The following LIMS1 variants were observed in gnomAD, a reference collection of about 807,000 sequenced individuals.
The protein encoded by LIMS1 is LIM zinc finger domain containing 1.
In LIMS1, 18 loss-of-function variants were observed where a neutral mutation model predicts 44.1. The observed-to-expected ratio is 0.41, with a 90% CI of 0.28 to 0.61. The LOEUF (loss-of-function observed/expected upper bound fraction) is 0.61. LIMS1 is among the 20% of genes least tolerant of loss of function. LIMS1 has a pLI of 0.32. For missense variants in LIMS1, 201 were observed against 422.0 expected, an observed-to-expected ratio of 0.48 and a Z score of 4.59; for synonymous variants, 93 against 149.1, an observed-to-expected ratio of 0.62 and a Z score of 2.74.
intron 3 of LIMS1, among the ~76,000 whole-genome samples, chr2:108,672,102 G>C (rs917235283): frequency 2.0e-5 from 3 of 148,046 alleles, no homozygotes; most frequent in African/African-American, 7.5e-5. Flanking sequence ...GGGAGGCAGA[G>C]GTTGCAGTGA....
chr2:108,642,454 G>A (rs1254157304), intron 1 of LIMS1, among the ~76,000 whole-genome samples: 1 of 144,220 alleles, frequency 6.9e-6, no homozygotes, highest in Non-Finnish European at 1.5e-5. Context: ...CCGCCTCCCG[G>A]GTTCACGCCA....
At chr2:108,544,945 A>G (rs951449908) in intron 1 of LIMS1, among the ~76,000 whole-genome samples, 25 of 152,226 alleles carry the variant, frequency 1.6e-4, no homozygotes, top group Non-Finnish European at 4.4e-5. Flanking sequence ...TAACCTCAGC[A>G]TCACACCTGA....
chr2:108,533,765 G>A (rs1684003213), upstream of LIMS1: 1 of 152,490 alleles, frequency 6.6e-6, no homozygotes, highest in African/African-American at 2.4e-5. Context: ...AGCTAGCAAG[G>A]AAGAACAGGA....
intron 1 of LIMS1, among the ~76,000 whole-genome samples, chr2:108,614,667 TAATA>T (rs749600322): frequency 2.8e-4 from 43 of 152,260 alleles, no homozygotes; most frequent in South Asian, 8.3e-4. Flanking sequence ...TAGGAAAAAA[TAATA>T]AATAAAGGGA....
chr2:108,591,991 C>T (rs1008487099), intron 1 of LIMS1, among the ~76,000 whole-genome samples: 1 of 152,012 alleles, frequency 6.6e-6, no homozygotes, highest in Admixed American at 6.6e-5. Context: ...GACGAAGTTT[C>T]ACCATATTGG....
chr2:108,546,678 C>CT (rs377170614), intron 1 of LIMS1, among the ~76,000 whole-genome samples: 33,052 of 88,590 alleles, frequency 0.37, 4,403 homozygotes, highest in African/African-American at 0.45. Flanking sequence ...TTTGAGTGAT[C>CT]TTTTTTTTTT....
At chr2:108,608,920 A>G (rs549745967) in intron 1 of LIMS1, among the ~76,000 whole-genome samples, 9 of 152,326 alleles carry the variant, frequency 5.9e-5, no homozygotes, top group African/African-American at 2.2e-4. Flanking sequence ...CATTACTGCC[A>G]CTAGAACGAG....
intron 1 of LIMS1, among the ~76,000 whole-genome samples, chr2:108,646,507 A>G (rs940479277): frequency 6.6e-6 from 1 of 152,332 alleles, no homozygotes; most frequent in Non-Finnish European, 1.5e-5. Context: ...TTATAGCACT[A>G]AATGCCCACA....
intron 1 of LIMS1, among the ~76,000 whole-genome samples, chr2:108,560,764 G>A (rs1162627330): frequency 6.6e-6 from 1 of 152,040 alleles, no homozygotes; most frequent in Non-Finnish European, 1.5e-5. Flanking sequence ...CATGGCAAGA[G>A]TTTTTCTGTT....
chr2:108,562,966 A>G (rs1362664342), intron 1 of LIMS1, among the ~76,000 whole-genome samples: 2 of 152,238 alleles, frequency 1.3e-5, no homozygotes, highest in East Asian at 1.9e-4. Context: ...TACTATTCCA[A>G]AAAAGCCAGA....
chr2:108,656,606 A>C (rs557895152), intron 1 of LIMS1, among the ~76,000 whole-genome samples: 1 of 151,044 alleles, frequency 6.6e-6, no homozygotes, highest in Non-Finnish European at 1.5e-5. Context: ...CAGCAAGGTG[A>C]TTGTTCTGTT....
At chr2:108,534,803 G>A (rs1418487671) in intron 1 of LIMS1, among the ~76,000 whole-genome samples, 26 of 151,938 alleles carry the variant, frequency 1.7e-4, no homozygotes, top group African/African-American at 7.2e-5. Context: ...TCACTCCCGG[G>A]TGTCCGCGGT....
intron 1 of LIMS1, among the ~76,000 whole-genome samples, chr2:108,593,531 C>T (rs2104693345): frequency 6.6e-6 from 1 of 152,306 alleles, no homozygotes; most frequent in South Asian, 2.1e-4. Context: ...TATCCAGATG[C>T]TAGATTACGT....
chr2:108,635,267 A>C (rs1027680911), intron 1 of LIMS1, among the ~76,000 whole-genome samples: 1 of 151,782 alleles, frequency 6.6e-6, no homozygotes, highest in Non-Finnish European at 1.5e-5. Context: ...CCCATCTCTA[A>C]AAATACAAAA....
chr2:108,565,059 T>C (rs1199653019), intron 1 of LIMS1, among the ~76,000 whole-genome samples: 1 of 152,204 alleles, frequency 6.6e-6, no homozygotes, highest in African/African-American at 2.4e-5. Flanking sequence ...AGTCGGTTTC[T>C]GTCAAAACTG....
rs1255627815 is a variant in LIMS1 at position 108,537,379 on chromosome 2, C to A, written c.32+2785C>A. Among the ~76,000 whole-genome samples the A allele has an allele frequency of 2.0e-5, 3 of 152,294 alleles. No homozygotes were observed. In the East Asian group the frequency reaches 5.8e-4, roughly 29 times the overall value. On this transcript the variant is annotated intron_variant, in intron 1 of 9. Transcript: ENST00000544547. ...AAATACAAGGTTTCTCTTAAAATTG[C>A]TCTTGAATGCTTGTGGTAGTGTGTG...
intron 1 of LIMS1, among the ~76,000 whole-genome samples, chr2:108,580,179 G>A (rs116080467): frequency 0.025 from 3,820 of 152,308 alleles, 101 homozygotes; most frequent in African/African-American, 0.064. Context: ...CAAACAACTA[G>A]GGCTTTCCCG....
At chr2:108,557,362 C>G (rs888821326) in intron 1 of LIMS1, among the ~76,000 whole-genome samples, 1 of 152,058 alleles carries the variant, frequency 6.6e-6, no homozygotes, top group Non-Finnish European at 1.5e-5. Context: ...CAAGTGTGAG[C>G]CAACACGCCC....
At chr2:108,588,433 A>G (rs1421397400) in intron 1 of LIMS1, 1 of 985,378 alleles carries the variant, frequency 1.0e-6, no homozygotes, top group African/African-American at 1.7e-5. Flanking sequence ...TAAGTAAGTT[A>G]AATAAGAGTA....
Sources: allele counts gnomAD v4.1 joint callset (sites outside exome capture counted in the v4.1 genomes callset), GRCh38; gene constraint gnomAD v4.1.1; transcripts MANE v1.5; gene names NCBI Gene and HGNC (gene_info 2026-07-23, HGNC 2026-07-21).